The following APIP variants were observed in gnomAD, a reference collection of about 807,000 sequenced individuals.
The protein encoded by APIP is methylthioribulose-1-phosphate dehydratase.
APIP carries 32 observed loss-of-function variants against 32.0 expected under a neutral mutation model. The observed-to-expected ratio is 1.00, with a 90% confidence interval of 0.76 to 1.34. The LOEUF (loss-of-function observed/expected upper bound fraction) is 1.34. APIP is among the 40% of genes most tolerant of loss of function. The pLI, the probability that APIP is intolerant of heterozygous loss-of-function variation, is 0.00. For synonymous variants in APIP, 92 were observed against 94.8 expected, an observed-to-expected ratio of 0.97 and a Z score of 0.17; for missense variants, 247 against 298.6, an observed-to-expected ratio of 0.83 and a Z score of 1.27.
intron 1 of APIP, among the ~76,000 whole-genome samples, chr11:34,915,451 A>C (rs1288685816): frequency 6.6e-6 from 1 of 152,214 alleles, no homozygotes; most frequent in Non-Finnish European, 1.5e-5. Flanking sequence ...AGGAGGAATA[A>C]GATAGGGGGA....
intron 1 of APIP, among the ~76,000 whole-genome samples, chr11:34,912,808 G>A (rs1376050028): frequency 6.6e-6 from 1 of 152,176 alleles, no homozygotes; most frequent in Non-Finnish European, 1.5e-5. Flanking sequence ...GGGTTCACGT[G>A]AGTTAATGCT....
chr11:34,901,922 T>C (rs1293184235), intron 1 of APIP, among the ~76,000 whole-genome samples: 10 of 152,150 alleles, frequency 6.6e-5, no homozygotes, highest in Admixed American at 2.0e-4. Context: ...TAGAAGCCGT[T>C]ATTAATAACC....
At chr11:34,903,308 A>C (rs930100033) in intron 1 of APIP, among the ~76,000 whole-genome samples, 5 of 152,256 alleles carry the variant, frequency 3.3e-5, no homozygotes, top group Non-Finnish European at 1.5e-5. Context: ...TAGAACAAGG[A>C]GTATGCATAT....
intron 1 of APIP, among the ~76,000 whole-genome samples, chr11:34,909,310 C>T (rs567646252): frequency 1.3e-5 from 2 of 152,022 alleles, no homozygotes; most frequent in Non-Finnish European, 2.9e-5. Context: ...CCTGAATTCC[C>T]AGGGCCTGAC....
intron 1 of APIP, among the ~76,000 whole-genome samples, chr11:34,895,864 AAAAT>A (rs58840384): frequency 0.6 from 90,731 of 151,360 alleles, 28,230 homozygotes; most frequent in East Asian, 0.74. Context: ...AATGAAAACA[AAAAT>A]AAATAAATAA....
chr11:34,905,325 C>A (rs763497445), intron 1 of APIP, among the ~76,000 whole-genome samples: 7 of 152,174 alleles, frequency 4.6e-5, no homozygotes, highest in Non-Finnish European at 8.8e-5. Context: ...TTGGGTCTGT[C>A]CTAAGTGGTT....
In APIP at chr11:34,883,440, T is replaced by C. The variant is rs1590700259; in HGVS notation, c.526A>G (p.Arg176Gly). ...NTPEEKDLKDRMAHAMNEYPD... is the reference protein window; with the variant it reads ...NTPEEKDLKDGMAHAMNEYPD... ...TATTCATTCATTGCATGAGCCATTC[T>C]ATCTTTGAGGTCTTTCTCCTCAGGT... is the stretch of plus-strand genomic sequence containing the variant. Residue 176 changes from arginine to glycine, a missense_variant, in exon 6 of 7, where the codon AGA becomes GGA. Physicochemically the swap from Arg to Gly is moderately radical, Grantham distance 125. Transcript: ENST00000395787. 2.5e-6 allele frequency: 4 copies of C among 1,614,128 alleles called. No individual in the cohort carries two copies. In the South Asian group the frequency reaches 3.3e-5, roughly 13 times the overall value.
At chr11:34,892,138 A>G (rs1229076861) in intron 2 of APIP, among the ~76,000 whole-genome samples, 1 of 152,188 alleles carries the variant, frequency 6.6e-6, no homozygotes, top group African/African-American at 2.4e-5. Context: ...TGGGTAATTA[A>G]AAGATTAGCC....
chr11:34,897,191 G>A, intron 1 of APIP, among the ~76,000 whole-genome samples: 2 of 152,148 alleles, frequency 1.3e-5, no homozygotes, highest in East Asian at 1.9e-4. Flanking sequence ...GATGACTGAT[G>A]GAGTAAACTT....
At chr11:34,886,537 C>G (rs972564272) in intron 5 of APIP, among the ~76,000 whole-genome samples, 10 of 152,058 alleles carry the variant, frequency 6.6e-5, no homozygotes, top group Non-Finnish European at 1.2e-4. Flanking sequence ...CCTAAACATA[C>G]AATGCTTATA....
chr11:34,907,098 A>G (rs1371729506), intron 1 of APIP, among the ~76,000 whole-genome samples: 1 of 151,886 alleles, frequency 6.6e-6, no homozygotes, highest in Non-Finnish European at 1.5e-5. Context: ...CTTGCCCAAA[A>G]CCCCCTAACA....
chr11:34,894,644 G>C (rs1853238026), intron 2 of APIP, among the ~76,000 whole-genome samples: 1 of 152,016 alleles, frequency 6.6e-6, no homozygotes, highest in Non-Finnish European at 1.5e-5. Flanking sequence ...GCAAGACTCT[G>C]TTTCAAAAAC....
intron 1 of APIP, among the ~76,000 whole-genome samples, chr11:34,899,289 G>C (rs1331581073): frequency 6.6e-6 from 1 of 152,128 alleles, no homozygotes; most frequent in Non-Finnish European, 1.5e-5. Context: ...CTAGAAATCG[G>C]GCTCTAAGCC....
At chr11:34,905,519 A>G (rs1853434669) in intron 1 of APIP, among the ~76,000 whole-genome samples, 1 of 152,190 alleles carries the variant, frequency 6.6e-6, no homozygotes, top group African/African-American at 2.4e-5. Context: ...TCACATCCTC[A>G]GGCTGGGACA....
intron 2 of APIP, among the ~76,000 whole-genome samples, chr11:34,892,418 T>A (rs1853198620): frequency 6.6e-6 from 1 of 152,228 alleles, no homozygotes; most frequent in Non-Finnish European, 1.5e-5. Flanking sequence ...CTTCTATTTT[T>A]ATTTGCTTTC....
intron 1 of APIP, among the ~76,000 whole-genome samples, chr11:34,895,596 A>G (rs78439865): frequency 0.042 from 6,360 of 152,304 alleles, 195 homozygotes; most frequent in Non-Finnish European, 0.067. Flanking sequence ...CCTTTTTCCC[A>G]CAATGATTTT....
At chr11:34,893,979 A>AT (rs1853224088) in intron 2 of APIP, among the ~76,000 whole-genome samples, 2 of 152,332 alleles carry the variant, frequency 1.3e-5, no homozygotes, top group African/African-American at 4.8e-5. Flanking sequence ...ACATCACTCA[A>AT]TTTAACACAC....
chr11:34,889,059 ATATAAT>A (rs557738001), intron 3 of APIP, among the ~76,000 whole-genome samples, 190 bp from the exon 4 acceptor site: 1 of 152,190 alleles, frequency 6.6e-6, no homozygotes, highest in African/African-American at 2.4e-5. Context: ...CATTTTAAAT[ATATAAT>A]TATAGTTTCT....
At chr11:34,891,485 A>T (rs566935488) in intron 2 of APIP, among the ~76,000 whole-genome samples, 1 of 152,292 alleles carries the variant, frequency 6.6e-6, no homozygotes, top group East Asian at 1.9e-4. Flanking sequence ...AGTTTCTGCT[A>T]GTAAGGCACA....
Sources: allele counts gnomAD v4.1 joint callset (sites outside exome capture counted in the v4.1 genomes callset), GRCh38; gene constraint gnomAD v4.1.1; transcripts MANE v1.5; gene names NCBI Gene and HGNC (gene_info 2026-07-23, HGNC 2026-07-21).